The following PTCHD4 variants were observed in gnomAD, a reference collection of about 807,000 sequenced individuals.
The protein encoded by PTCHD4 is patched domain containing 4, also known as patched domain-containing protein 4.
In PTCHD4, 33 loss-of-function variants were observed where a neutral mutation model predicts 58.1. The observed-to-expected ratio is 0.57, with a 90% CI of 0.43 to 0.76. PTCHD4 has a LOEUF of 0.76. Ranked by LOEUF, PTCHD4 falls within the 30% of genes least tolerant of loss-of-function variation. The probability of loss-of-function intolerance (pLI) is 0.00; values close to 1 mark genes in which losing one functional copy is unlikely to be tolerated. For synonymous variants in PTCHD4, 478 were observed against 409.6 expected, an observed-to-expected ratio of 1.17 and a Z score of -2.02; for missense variants, 1,058 against 1,027.1, an observed-to-expected ratio of 1.03 and a Z score of -0.41.
intron 4 of PTCHD4, among the ~76,000 whole-genome samples, chr6:47,889,465 A>G (rs1319869853): frequency 6.6e-6 from 1 of 151,712 alleles, no homozygotes; most frequent in Admixed American, 6.6e-5. Context: ...TCTTTTGAGA[A>G]GTGTCTGTTC....
At chr6:47,941,021 A>G (rs1766198608) in intron 4 of PTCHD4, among the ~76,000 whole-genome samples, 1 of 152,132 alleles carries the variant, frequency 6.6e-6, no homozygotes. Flanking sequence ...CACAGCCACC[A>G]TATCAATTGT....
At chr6:48,067,287 T>C (rs1764833126) in intron 3 of PTCHD4, among the ~76,000 whole-genome samples, 1 of 152,134 alleles carries the variant, frequency 6.6e-6, no homozygotes, top group Non-Finnish European at 1.5e-5. Context: ...AAATTGAGAG[T>C]CTAAACAGCA....
chr6:47,901,372 G>A (rs942347923), intron 4 of PTCHD4: 1 of 863,166 alleles, frequency 1.2e-6, no homozygotes, highest in Non-Finnish European at 1.4e-6. Flanking sequence ...AGAATTATTT[G>A]GGAAGTGTTC....
At chr6:48,001,882 G>A (rs1440302597) in intron 4 of PTCHD4, among the ~76,000 whole-genome samples, 2 of 152,206 alleles carry the variant, frequency 1.3e-5, no homozygotes, top group African/African-American at 4.8e-5. Flanking sequence ...CTAATATCCA[G>A]AATCTACAAT....
intron 4 of PTCHD4, among the ~76,000 whole-genome samples, chr6:48,000,625 T>A (rs1768684521): frequency 6.6e-6 from 1 of 152,196 alleles, no homozygotes; most frequent in African/African-American, 2.4e-5. Context: ...GATGACTGGC[T>A]TCATATTTGC....
At position 47,874,441 on chromosome 6, in the gene PTCHD4, T is replaced by C. The variant is rs952498295; in HGVS notation, c.*3862A>G. ...CCGTGCATTCATAACTATTTGGTCA[T>C]AAAAATATGTGACTGTAATTATGAT... On this transcript the variant is annotated 3_prime_UTR_variant, in exon 5 of 5. Transcript: ENST00000339488. Among the ~76,000 whole-genome samples, 5 of 151,744 alleles carry C rather than the reference T, an allele frequency of 3.3e-5. No individual in the cohort carries two copies. Among genetic ancestry groups the C allele is most frequent in the Non-Finnish European group, 7.4e-5 (5 of 67,812 alleles).
At chr6:47,899,567 C>A (rs1764633958) in intron 4 of PTCHD4, 2 of 983,254 alleles carry the variant, frequency 2.0e-6, no homozygotes, top group Non-Finnish European at 2.4e-6. Context: ...ATAAGGTTTG[C>A]AAATGAAGTA....
chr6:48,040,840 C>T (rs2114151088), intron 3 of PTCHD4, among the ~76,000 whole-genome samples: 1 of 152,130 alleles, frequency 6.6e-6, no homozygotes. Context: ...CTTCCAAGAG[C>T]AATCTTCCTA....
At chr6:48,026,780 T>C (rs776082673) in intron 3 of PTCHD4, among the ~76,000 whole-genome samples, 37 of 152,272 alleles carry the variant, frequency 2.4e-4, no homozygotes, top group Non-Finnish European at 4.9e-4. Context: ...AGCTGCTAGA[T>C]GTACCCTCAG....
rs765688892 is a variant in PTCHD4 at position 47,879,881 on chromosome 6, C to A, written c.954G>T (p.Glu318Asp). 1.8e-5 allele frequency: 28 copies of A among 1,589,980 alleles called. No homozygotes were observed. Among genetic ancestry groups the A allele is most frequent in the Non-Finnish European group, 2.4e-5 (28 of 1,167,528 alleles). Residue 318 changes from glutamate (E) to aspartate (D), a missense_variant, in exon 5 of 5, where the codon GAG becomes GAT. Transcript: ENST00000339488. ...ELLSGWRRTK[E>D]NLPFKDRIAD... ...CTATCCTGTCTTTGAAGGGCAAGTTCTCTTTGGTTCTCCGCCATCCGGACA... is the reference window on the plus strand; with the variant it reads ...CTATCCTGTCTTTGAAGGGCAAGTTATCTTTGGTTCTCCGCCATCCGGACA...
At chr6:48,106,315 G>T (rs546186400) in intron 1 of PTCHD4, among the ~76,000 whole-genome samples, 1 of 152,052 alleles carries the variant, frequency 6.6e-6, no homozygotes, top group Non-Finnish European at 1.5e-5. Flanking sequence ...ATCAATAGAC[G>T]TAATCCAGCA....
intron 4 of PTCHD4, among the ~76,000 whole-genome samples, chr6:47,884,192 A>G (rs1764110543): frequency 1.3e-5 from 2 of 152,096 alleles, no homozygotes; most frequent in South Asian, 4.1e-4. Context: ...AATTCAAAGA[A>G]CTGGATTGCT....
In PTCHD4 at chr6:48,001,138, T is replaced by A. The variant is rs184039428; in HGVS notation, c.898+7496A>T. 7.2e-3 allele frequency among the ~76,000 whole-genome samples: 1,103 copies of A among 152,290 alleles called. 8 individuals are homozygous for A. The highest frequency in any genetic ancestry group is 0.011 in the Non-Finnish European group (735 of 68,026). On this transcript the variant is annotated intron_variant, in intron 4 of 4. Transcript: ENST00000339488. Reference sequence around the variant, plus strand: ...AAAAAAATGGAAGAACATTCCATGCTCATGGATAGGAAGAATCAATATCAT... The same window carrying A: ...AAAAAAATGGAAGAACATTCCATGCACATGGATAGGAAGAATCAATATCAT...
chr6:47,954,391 T>A (rs1273366902), intron 4 of PTCHD4, among the ~76,000 whole-genome samples: 1 of 152,076 alleles, frequency 6.6e-6, no homozygotes, highest in Non-Finnish European at 1.5e-5. Context: ...GGACATCATT[T>A]AACTGTTTTT....
chr6:47,942,412 C>A (rs571113512), intron 4 of PTCHD4, among the ~76,000 whole-genome samples: 1 of 152,026 alleles, frequency 6.6e-6, no homozygotes, highest in Non-Finnish European at 1.5e-5. Context: ...TCAGGGATTG[C>A]GGAATAAAGA....
intron 4 of PTCHD4, among the ~76,000 whole-genome samples, chr6:47,889,849 C>A (rs939638807): frequency 6.6e-6 from 1 of 151,538 alleles, no homozygotes; most frequent in Non-Finnish European, 1.5e-5. Flanking sequence ...ACAAAATTGA[C>A]AAATGGGATC....
At chr6:48,099,212 T>G (rs1765542970) in intron 1 of PTCHD4, among the ~76,000 whole-genome samples, 1 of 152,188 alleles carries the variant, frequency 6.6e-6, no homozygotes, top group African/African-American at 2.4e-5. Context: ...CAAATAGTGG[T>G]CGCCAGCCTG....
At chr6:47,999,408 T>C (rs1268650475) in intron 4 of PTCHD4, among the ~76,000 whole-genome samples, 4 of 152,172 alleles carry the variant, frequency 2.6e-5, no homozygotes, top group East Asian at 1.9e-4. Context: ...ATTCCAGATG[T>C]CATAATAAGG....
intron 4 of PTCHD4, among the ~76,000 whole-genome samples, chr6:48,002,215 G>T (rs908023411): frequency 7.2e-5 from 11 of 152,152 alleles, no homozygotes; most frequent in Non-Finnish European, 1.6e-4. Context: ...ATTCCTCAGG[G>T]ATCTAGACCT....
Sources: gnomAD v4.1 joint callset for allele counts (sites outside exome capture counted in the v4.1 genomes callset) on GRCh38, gnomAD v4.1.1 for gene constraint, MANE v1.5 for transcripts, NCBI Gene and HGNC (gene_info 2026-07-23, HGNC 2026-07-21) for gene names.